Variants in ACOT7 observed in about 807,000 individuals in gnomAD.
The protein encoded by ACOT7 is cytosolic acyl coenzyme A thioester hydrolase.
In ACOT7, 12 loss-of-function variants were observed where a neutral mutation model predicts 40.2. The ratio of observed to expected loss-of-function variants is 0.30; its 90% CI spans 0.19 to 0.48. ACOT7 has a LOEUF of 0.48. Ranked by LOEUF, ACOT7 falls within the 20% of genes least tolerant of loss-of-function variation. The pLI, the probability that ACOT7 is intolerant of heterozygous loss-of-function variation, is 0.99. For missense variants in ACOT7, 395 were observed against 530.8 expected, an observed-to-expected ratio of 0.74 and a Z score of 2.51; for synonymous variants, 228 against 219.5, an observed-to-expected ratio of 1.04 and a Z score of -0.34.
At chr1:6,365,497 T>C (rs540280558) in intron 1 of ACOT7, among the ~76,000 whole-genome samples, 128 of 152,226 alleles carry the variant, frequency 8.4e-4, no homozygotes, top group African/African-American at 2.9e-3. Context: ...CAATCGGGCA[T>C]GGTGGCTCAC....
rs563357121 is a variant in ACOT7, at chr1:6,387,423, C to A, written c.143+5834G>T. Among the ~76,000 whole-genome samples, 9 of 152,282 alleles carry A rather than the reference C, an allele frequency of 5.9e-5. 1 individual carries two copies. In the South Asian group the frequency reaches 1.9e-3, roughly 32 times the overall value. ...GGGACTATTCAAGTTTCCCCATTAT[C>A]TCCTCAATCTTCATCTTGTTGACTC... On this transcript the variant is annotated intron_variant, in intron 1 of 8. Coordinates refer to ENST00000361521, the MANE Select transcript of ACOT7 (RefSeq NM_007274.4).
chr1:6,370,284 C>T (rs962926851), intron 1 of ACOT7, among the ~76,000 whole-genome samples: 1 of 152,098 alleles, frequency 6.6e-6, no homozygotes, highest in African/African-American at 2.4e-5. Flanking sequence ...GTACAGCTTG[C>T]AGAACCATGA....
chr1:6,323,336 G>T (rs1640700078), intron 5 of ACOT7, among the ~76,000 whole-genome samples: 1 of 152,124 alleles, frequency 6.6e-6, no homozygotes, highest in South Asian at 2.1e-4. Flanking sequence ...GTGTTCAACA[G>T]CTTGGGGCTT....
chr1:6,385,443 C>T lies in ACOT7; in HGVS notation c.143+7814G>A, dbSNP rs375066003. The T allele has an allele frequency of 2.3e-5, 36 of 1,563,508 alleles. 1 individual carries two copies. Among genetic ancestry groups the T allele is most frequent in the African/African-American group, 1.6e-4 (12 of 74,188 alleles). On this transcript the variant is annotated intron_variant, in intron 1 of 8. Transcript: ENST00000361521. ...CGGCCCAAGGCCCTGGCTGCCCAGT[C>T]GGCGTCGCAAGTGAGACACCATGGG...
At position 6,264,415 on chromosome 1, in the gene ACOT7, A is replaced by G. The variant is rs1638752977; in HGVS notation, c.*182T>C. The G allele has an allele frequency of 4.9e-6, 3 of 611,832 alleles. No individual in the cohort carries two copies. Among genetic ancestry groups the G allele is most frequent in the Middle Eastern group, 2.6e-4 (1 of 3,828 alleles). The allele number at this position is 611,832 out of a possible 1,614,324, so 37.9% of individuals were successfully genotyped here. A position where few individuals can be genotyped will look rare whatever the true frequency, so the allele number is the denominator to read the frequency against. On this transcript the variant is annotated 3_prime_UTR_variant, in exon 9 of 9. Coordinates refer to ENST00000361521, the MANE Select transcript of ACOT7 (RefSeq NM_007274.4). ...TAGCATTGATACTGGAATGATATAAATAAAGCTTTGGTGTGTAGGTTTGCA... is the reference window on the plus strand; with the variant it reads ...TAGCATTGATACTGGAATGATATAAGTAAAGCTTTGGTGTGTAGGTTTGCA...
chr1:6,375,591 C>A (rs552258671), intron 1 of ACOT7, among the ~76,000 whole-genome samples: 1 of 152,006 alleles, frequency 6.6e-6, no homozygotes, highest in African/African-American at 2.4e-5. Flanking sequence ...ATCGCTTGAA[C>A]CCAGGAGTTC....
intron 4 of ACOT7, 21 bp from the exon 5 acceptor site, chr1:6,327,434 G>T: frequency 1.9e-6 from 3 of 1,612,858 alleles, no homozygotes; most frequent in Non-Finnish European, 2.5e-6. Context: ...CCAAAGACAG[G>T]TCAGGCCCAG....
intron 1 of ACOT7, among the ~76,000 whole-genome samples, chr1:6,356,934 G>A (rs1305115525): frequency 6.8e-6 from 1 of 147,174 alleles, no homozygotes; most frequent in Non-Finnish European, 1.5e-5. Context: ...AAAAAAAAAG[G>A]ACGACGACGA....
At chr1:6,325,595 G>T (rs940043239) in intron 5 of ACOT7, among the ~76,000 whole-genome samples, 23 of 152,064 alleles carry the variant, frequency 1.5e-4, no homozygotes, top group African/African-American at 5.6e-4. Flanking sequence ...CTGGCCTAAG[G>T]TGACAACCAG....
chr1:6,345,045 G>A (rs1641382226), intron 2 of ACOT7, among the ~76,000 whole-genome samples: 1 of 152,146 alleles, frequency 6.6e-6, no homozygotes, highest in South Asian at 2.1e-4. Context: ...AGTCCCTGAA[G>A]GCCAGTGTGA....
Position 6,288,498 on chromosome 1 carries a change from G to A in ACOT7, c.829+6366C>T, listed in dbSNP as rs537018652. Among the ~76,000 whole-genome samples the A allele has an allele frequency of 2.6e-5, 4 of 152,202 alleles. No homozygotes were observed. The highest frequency in any genetic ancestry group is 5.9e-5 in the Non-Finnish European group (4 of 68,030). On this transcript the variant is annotated intron_variant, in intron 7 of 8. Transcript: ENST00000361521. This position sits in a 1 kb window ranked among gnomAD's most constrained non-coding sequence, Gnocchi z 4.3. ...CAGACCTGAAGTGCCAGCTGGAGGGGCTCAAGCTGAATGTGGCATGTCACG... is the reference window on the plus strand; with the variant it reads ...CAGACCTGAAGTGCCAGCTGGAGGGACTCAAGCTGAATGTGGCATGTCACG...
intron 6 of ACOT7, among the ~76,000 whole-genome samples, chr1:6,300,615 C>T (rs1007352765): frequency 1.3e-5 from 2 of 148,606 alleles, no homozygotes; most frequent in Non-Finnish European, 3.0e-5. Flanking sequence ...CCGGACCCCA[C>T]CCGATCCTGA....
intron 8 of ACOT7, among the ~76,000 whole-genome samples, chr1:6,265,963 T>G (rs1341389360): frequency 6.6e-6 from 1 of 152,180 alleles, no homozygotes; most frequent in Non-Finnish European, 1.5e-5. Flanking sequence ...CTCAGCTCTC[T>G]CCAAAATCAG....
chr1:6,323,734 AAAAATATATATATATATATAT>A (rs1409318837), intron 5 of ACOT7, among the ~76,000 whole-genome samples: 8 of 81,652 alleles, frequency 9.8e-5, no homozygotes, highest in Admixed American at 8.8e-4. Flanking sequence ...AAAAAAAAAA[AAAAATATATATATATATATAT>A]ATATATATAT....
intron 1 of ACOT7, among the ~76,000 whole-genome samples, chr1:6,377,178 T>C (rs1642248404): frequency 6.6e-6 from 1 of 152,162 alleles, no homozygotes; most frequent in African/African-American, 2.4e-5. Flanking sequence ...TTTGGCAGTT[T>C]TGTACAAAGC....
chr1:6,305,519 G>C (rs1026172125), intron 6 of ACOT7, among the ~76,000 whole-genome samples: 2 of 150,430 alleles, frequency 1.3e-5, no homozygotes. Flanking sequence ...AGACGGGGCG[G>C]TTGCCAGGCA....
At chr1:6,370,937 A>C (rs1642122012) in intron 1 of ACOT7, among the ~76,000 whole-genome samples, 1 of 151,502 alleles carries the variant, frequency 6.6e-6, no homozygotes, top group East Asian at 1.9e-4. Context: ...CAGCCTCCTG[A>C]GTAGCTGGGA....
intron 5 of ACOT7, among the ~76,000 whole-genome samples, chr1:6,323,757 T>A (rs1199844558): frequency 1.5e-5 from 2 of 133,486 alleles, no homozygotes; most frequent in African/African-American, 5.8e-5. Flanking sequence ...TATATATATA[T>A]ATATATATAT....
chr1:6,382,092 T>C (rs911368137), intron 1 of ACOT7, among the ~76,000 whole-genome samples: 10 of 148,210 alleles, frequency 6.7e-5, no homozygotes, highest in African/African-American at 2.5e-4. Context: ...GAGCCAAGAT[T>C]GCGCCACTGC....
Sources: gnomAD v4.1 joint callset for allele counts (sites outside exome capture counted in the v4.1 genomes callset) on GRCh38, gnomAD v4.1.1 for gene constraint, Gnocchi (gnomAD v3.1) non-coding constraint, MANE v1.5 for transcripts, NCBI Gene and HGNC (gene_info 2026-07-23, HGNC 2026-07-21) for gene names.